The following RIMBP2 variants were observed in gnomAD, a reference collection of about 807,000 sequenced individuals.
The protein encoded by RIMBP2 is RIMS binding protein 2.
A neutral mutation model predicts 118.6 loss-of-function variants in RIMBP2; 48 were observed. The observed-to-expected ratio is 0.40, with a 90% CI of 0.32 to 0.51. The LOEUF is 0.51. Ranked by LOEUF, RIMBP2 falls within the 20% of genes least tolerant of loss-of-function variation. The probability of loss-of-function intolerance (pLI) is 0.41; values close to 1 mark genes in which losing one functional copy is unlikely to be tolerated. For missense variants in RIMBP2, 1,551 were observed against 1,768.3 expected (o/e 0.88, Z 2.20); for synonymous variants, 762 against 742.9 (o/e 1.03, Z -0.42).
At chr12:130,619,870 T>G (rs1419856156) in intron 2 of RIMBP2, among the ~76,000 whole-genome samples, 1 of 152,136 alleles carries the variant, frequency 6.6e-6, no homozygotes, top group Non-Finnish European at 1.5e-5. Context: ...GGACAGCCGG[T>G]CAAAACACGT....
intron 2 of RIMBP2, among the ~76,000 whole-genome samples, chr12:130,528,929 A>T (rs551054689): frequency 6.6e-6 from 1 of 152,314 alleles, no homozygotes; most frequent in South Asian, 2.1e-4. Flanking sequence ...GACTCACTAC[A>T]TTACCCAGCA....
intron 2 of RIMBP2, among the ~76,000 whole-genome samples, chr12:130,574,624 A>G (rs912175679): frequency 1.3e-5 from 2 of 152,144 alleles, no homozygotes; most frequent in Non-Finnish European, 2.9e-5. Flanking sequence ...AGCTCCAGCC[A>G]TCTGCAGCAC....
intron 1 of RIMBP2, among the ~76,000 whole-genome samples, chr12:130,675,390 C>T (rs114655638): frequency 0.031 from 4,703 of 152,256 alleles, 127 homozygotes; most frequent in African/African-American, 0.076. Context: ...CAGGCTCCAC[C>T]GCCCCAGCTC....
chr12:130,714,484 G>C (rs911451166), intron 1 of RIMBP2, among the ~76,000 whole-genome samples: 1 of 152,078 alleles, frequency 6.6e-6, no homozygotes, highest in East Asian at 1.9e-4. Context: ...TGCGTGGGGG[G>C]CGGCCCCCAT....
At chr12:130,675,659 A>C (rs1346318981) in intron 1 of RIMBP2, among the ~76,000 whole-genome samples, 1 of 152,184 alleles carries the variant, frequency 6.6e-6, no homozygotes, top group African/African-American at 2.4e-5. Context: ...CACCAATCAG[A>C]TCGGTTTCAG....
At chr12:130,644,850 A>C (rs549985861) in intron 1 of RIMBP2, among the ~76,000 whole-genome samples, 1 of 152,350 alleles carries the variant, frequency 6.6e-6, no homozygotes, top group South Asian at 2.1e-4. Context: ...CTGACTTCAC[A>C]TGCTGACTGA....
At chr12:130,415,336 A>G (rs1399733602) in intron 17 of RIMBP2, among the ~76,000 whole-genome samples, 1 of 152,236 alleles carries the variant, frequency 6.6e-6, no homozygotes, top group African/African-American at 2.4e-5. Context: ...AAAGCTTGCA[A>G]TAAAATCCAA....
At chr12:130,501,747 T>C (rs1394387937) in intron 4 of RIMBP2, among the ~76,000 whole-genome samples, 1 of 152,236 alleles carries the variant, frequency 6.6e-6, no homozygotes, top group Non-Finnish European at 1.5e-5. Flanking sequence ...GAGCAGGACC[T>C]CTGCTGCTGC....
chr12:130,582,610 T>C (rs1037383735), intron 2 of RIMBP2, among the ~76,000 whole-genome samples: 4 of 152,226 alleles, frequency 2.6e-5, no homozygotes, highest in African/African-American at 9.6e-5. Flanking sequence ...TCTTATTTGT[T>C]ACCACACTGC....
chr12:130,513,268 T>A (rs2138968214), intron 3 of RIMBP2, among the ~76,000 whole-genome samples: 1 of 152,130 alleles, frequency 6.6e-6, no homozygotes, highest in Admixed American at 6.5e-5. Flanking sequence ...CAACAGCACA[T>A]TAGCAACCCT....
At chr12:130,619,447 T>C (rs1244559767) in intron 2 of RIMBP2, among the ~76,000 whole-genome samples, 2 of 152,226 alleles carry the variant, frequency 1.3e-5, no homozygotes, top group African/African-American at 4.8e-5. Context: ...GGGAAGCTGG[T>C]CCTTCAAATT....
At chr12:130,685,210 T>C (rs1473055081) in intron 1 of RIMBP2, among the ~76,000 whole-genome samples, 1 of 152,176 alleles carries the variant, frequency 6.6e-6, no homozygotes, top group Non-Finnish European at 1.5e-5. Context: ...GGAATTACAG[T>C]AATGATAGGA....
At chr12:130,694,482 G>C (rs2065479541) in intron 1 of RIMBP2, among the ~76,000 whole-genome samples, 2 of 152,166 alleles carry the variant, frequency 1.3e-5, no homozygotes, top group Non-Finnish European at 2.9e-5. Flanking sequence ...ATCTCACCCT[G>C]TCTCATCGCC....
chr12:130,676,980 T>A (rs2064520785), intron 1 of RIMBP2, among the ~76,000 whole-genome samples: 1 of 152,168 alleles, frequency 6.6e-6, no homozygotes, highest in South Asian at 2.1e-4. Context: ...CTCACAGCAG[T>A]GTGCACCTAG....
chr12:130,656,572 A>G lies in RIMBP2; in HGVS notation c.-351-28116T>C, dbSNP rs112925709. On this transcript the variant is annotated intron_variant, in intron 1 of 22. Coordinates refer to ENST00000690449, the MANE Select transcript of RIMBP2 (RefSeq NM_001393629.1). ...GTTTCTTTCTGAGGCTGTCAGGAGA[A>G]TCTGCCCCGGGCTCCCCCTGACTCC... Among the ~76,000 whole-genome samples the G allele has an allele frequency of 9.9e-3, 1,217 of 123,262 alleles. 19 individuals carry two copies. The highest frequency in any genetic ancestry group is 0.042 in the African/African-American group (1,155 of 27,392). The allele number at this position is 123,262 out of a possible 152,430, so 80.9% of individuals were successfully genotyped here.
intron 2 of RIMBP2, among the ~76,000 whole-genome samples, chr12:130,614,343 G>A (rs539871993): frequency 2.6e-5 from 4 of 152,248 alleles, no homozygotes; most frequent in African/African-American, 7.2e-5. Context: ...CTCAGAAGAC[G>A]TTCAGTGAGC....
Position 130,676,395 on chromosome 12 carries a change from C to T in RIMBP2, c.-352+39827G>A, listed in dbSNP as rs145841007. Among the ~76,000 whole-genome samples the T allele has an allele frequency of 2.3e-4, 35 of 150,474 alleles. 1 individual carries two copies. Among genetic ancestry groups the T allele is most frequent in the East Asian group, 9.8e-4 (5 of 5,096 alleles). On this transcript the variant is annotated intron_variant, in intron 1 of 22. Transcript: ENST00000690449. The stretch of plus-strand genomic sequence containing the variant: ...ACACCAGCACTTTCGGAGGCCAAGG[C>T]GGGCAGATCACAAGGTCCAGAGATG...
At chr12:130,514,533 G>A (rs1049193771) in intron 3 of RIMBP2, among the ~76,000 whole-genome samples, 3 of 152,080 alleles carry the variant, frequency 2.0e-5, no homozygotes, top group Admixed American at 2.0e-4. Flanking sequence ...AGCTGGCATT[G>A]CCTCTCCAGG....
chr12:130,450,291 A>G lies in RIMBP2; in HGVS notation c.505-15T>C, dbSNP rs1387147870. On this transcript the variant is annotated splice_polypyrimidine_tract_variant and intron_variant, in intron 8 of 22. Transcript: ENST00000690449. This position sits in a 1 kb window ranked among gnomAD's most constrained non-coding sequence, Gnocchi z 4.8. ...TCATTCTCCATCTGTGAAAAAGGCAATGGGTGTGTGGGTTATTGAAGCTGG... is the reference window on the plus strand; with the variant it reads ...TCATTCTCCATCTGTGAAAAAGGCAGTGGGTGTGTGGGTTATTGAAGCTGG... 7.5e-6 allele frequency: 12 copies of G among 1,592,418 alleles called. No homozygotes were observed. The highest frequency in any genetic ancestry group is 1.7e-5 in the Admixed American group (1 of 59,030).
Sources: allele counts gnomAD v4.1 joint callset (sites outside exome capture counted in the v4.1 genomes callset), GRCh38; gene constraint gnomAD v4.1.1; non-coding constraint Gnocchi (gnomAD v3.1); transcripts MANE v1.5; gene names NCBI Gene and HGNC (gene_info 2026-07-23, HGNC 2026-07-21).